Variants in SGMS1 observed in about 807,000 individuals in gnomAD.
SGMS1 encodes phosphatidylcholine:ceramide cholinephosphotransferase 1.
A neutral mutation model predicts 46.2 loss-of-function variants in SGMS1; 13 were observed. That is an observed-to-expected ratio of 0.28 (90% confidence interval 0.18 to 0.45). The LOEUF (loss-of-function observed/expected upper bound fraction) is 0.45, where lower values mean the gene tolerates loss of function less well. SGMS1 is among the 20% of genes least tolerant of loss of function. The pLI is 1.00. For synonymous variants in SGMS1, 203 were observed against 187.8 expected (o/e 1.08, Z -0.66); for missense variants, 324 against 519.9 (o/e 0.62, Z 3.66).
chr10:50,354,753 C>T (rs192124986), intron 6 of SGMS1, among the ~76,000 whole-genome samples: 14 of 152,138 alleles, frequency 9.2e-5, no homozygotes, highest in African/African-American at 2.9e-4. Flanking sequence ...AAGAAAAAAA[C>T]AAACAACCCC....
chr10:50,415,319 A>G (rs12244472), intron 6 of SGMS1, among the ~76,000 whole-genome samples: 4,277 of 152,302 alleles, frequency 0.028, 96 homozygotes, highest in African/African-American at 0.059. Context: ...AAAAAATGTG[A>G]TCTACAATTC....
intron 3 of SGMS1, among the ~76,000 whole-genome samples, chr10:50,501,089 C>T (rs1368553813): frequency 6.6e-6 from 1 of 152,160 alleles, no homozygotes; most frequent in African/African-American, 2.4e-5. Flanking sequence ...GAAGGAATGG[C>T]CTCCTTCCCT....
chr10:50,475,839 G>A (rs1016394037), intron 3 of SGMS1, among the ~76,000 whole-genome samples: 36 of 151,962 alleles, frequency 2.4e-4, no homozygotes, highest in African/African-American at 8.5e-4. Context: ...ATTTCCTTAG[G>A]CCTCCCCAGA....
At chr10:50,533,179 T>G (rs1307843240) in intron 2 of SGMS1, among the ~76,000 whole-genome samples, 1 of 152,226 alleles carries the variant, frequency 6.6e-6, no homozygotes, top group African/African-American at 2.4e-5. Context: ...GAAACACTAT[T>G]ATACAAGTAT....
chr10:50,577,413 T>C (rs777652315), intron 2 of SGMS1, among the ~76,000 whole-genome samples: 4 of 152,112 alleles, frequency 2.6e-5, no homozygotes, highest in Admixed American at 6.6e-5. Flanking sequence ...AAAAAAAGTA[T>C]AGAGAAAGGC....
At chr10:50,369,250 C>A (rs1368424218) in intron 6 of SGMS1, among the ~76,000 whole-genome samples, 2 of 152,188 alleles carry the variant, frequency 1.3e-5, no homozygotes, top group Non-Finnish European at 2.9e-5. Flanking sequence ...GTAATCTCAA[C>A]ACTTTGGGTG....
At chr10:50,414,066 T>C (rs1343194898) in intron 6 of SGMS1, among the ~76,000 whole-genome samples, 2 of 152,228 alleles carry the variant, frequency 1.3e-5, no homozygotes, top group Non-Finnish European at 2.9e-5. Context: ...CCTATTGTTT[T>C]TGGACCACTG....
chr10:50,331,986 CAGACT>C (rs1589388749), intron 7 of SGMS1, among the ~76,000 whole-genome samples: 1 of 152,182 alleles, frequency 6.6e-6, no homozygotes, highest in African/African-American at 2.4e-5. Flanking sequence ...GCAGCCTGAA[CAGACT>C]AAGGTAGCTT....
At chr10:50,617,783 C>G (rs2131941926) in intron 1 of SGMS1, among the ~76,000 whole-genome samples, 1 of 151,774 alleles carries the variant, frequency 6.6e-6, no homozygotes, top group South Asian at 2.1e-4. Flanking sequence ...CCAGGCTGTT[C>G]TCTGTTCTTG....
chr10:50,522,879 C>T (rs1837868509), intron 2 of SGMS1, among the ~76,000 whole-genome samples: 1 of 152,172 alleles, frequency 6.6e-6, no homozygotes, highest in Admixed American at 6.5e-5. Flanking sequence ...AGCAGCTGCT[C>T]TCTGCAGGGC....
At chr10:50,598,779 A>G (rs1838620763) in intron 1 of SGMS1, among the ~76,000 whole-genome samples, 1 of 152,142 alleles carries the variant, frequency 6.6e-6, no homozygotes, top group Admixed American at 6.5e-5. Context: ...TAGTTTACCT[A>G]CCTCTAAAAT....
At chr10:50,359,983 G>A (rs932688749) in intron 6 of SGMS1, among the ~76,000 whole-genome samples, 1 of 151,804 alleles carries the variant, frequency 6.6e-6, no homozygotes, top group African/African-American at 2.4e-5. Flanking sequence ...TAATTTCTCT[G>A]ATAAACATAT....
At chr10:50,512,865 G>A (rs1283355859) in intron 3 of SGMS1, among the ~76,000 whole-genome samples, 3 of 152,286 alleles carry the variant, frequency 2.0e-5, no homozygotes, top group African/African-American at 7.2e-5. Flanking sequence ...TGCAGTACCC[G>A]GGGTAACACA....
chr10:50,398,718 C>T (rs1189238671), intron 6 of SGMS1, among the ~76,000 whole-genome samples: 1 of 152,122 alleles, frequency 6.6e-6, no homozygotes, highest in East Asian at 1.9e-4. Context: ...ACAAGCTTAA[C>T]AGTTCTCTTG....
chr10:50,407,861 T>C (rs1485792684), intron 6 of SGMS1, among the ~76,000 whole-genome samples: 1 of 152,112 alleles, frequency 6.6e-6, no homozygotes, highest in Non-Finnish European at 1.5e-5. Context: ...TGCTTGAAAA[T>C]GGATCCAGCG....
chr10:50,562,378 TCA>T (rs968220993), intron 2 of SGMS1, among the ~76,000 whole-genome samples: 1 of 139,896 alleles, frequency 7.1e-6, no homozygotes, highest in African/African-American at 2.6e-5. Context: ...ACACACACAC[TCA>T]CACACGGGCG....
intron 4 of SGMS1, among the ~76,000 whole-genome samples, chr10:50,462,631 T>C (rs1452211754): frequency 6.6e-6 from 1 of 152,238 alleles, no homozygotes; most frequent in African/African-American, 2.4e-5. Flanking sequence ...TTTTAAATAT[T>C]ATTTTAAAGA....
chr10:50,365,969 A>G (rs540597241), intron 6 of SGMS1, among the ~76,000 whole-genome samples: 2 of 152,278 alleles, frequency 1.3e-5, no homozygotes, highest in South Asian at 4.1e-4. Flanking sequence ...GTCAAATGGT[A>G]AAATATGCTG....
chr10:50,542,646 T>G (rs1442058328), intron 2 of SGMS1, among the ~76,000 whole-genome samples: 1 of 3,784 alleles, frequency 2.6e-4, no homozygotes, highest in Non-Finnish European at 5.0e-4. Flanking sequence ...CACACACACA[T>G]GCACACACAC....
Sources: allele counts gnomAD v4.1 joint callset (sites outside exome capture counted in the v4.1 genomes callset), GRCh38; gene constraint gnomAD v4.1.1; transcripts MANE v1.5; gene names NCBI Gene and HGNC (gene_info 2026-07-23, HGNC 2026-07-21).